Variants in PDE1A observed in about 807,000 individuals in gnomAD.
PDE1A encodes the protein dual specificity calcium/calmodulin-dependent 3',5'-cyclic nucleotide phosphodiesterase 1A.
PDE1A carries 35 observed loss-of-function variants against 61.7 expected under a neutral mutation model. That is an observed-to-expected ratio of 0.57 (90% CI 0.43 to 0.75). PDE1A has a LOEUF of 0.75. PDE1A is among the 30% of genes least tolerant of loss of function. PDE1A has a pLI of 0.00. For synonymous variants in PDE1A, 232 were observed against 213.2 expected, an observed-to-expected ratio of 1.09 and a Z score of -0.77; for missense variants, 597 against 630.6, an observed-to-expected ratio of 0.95 and a Z score of 0.57.
At chr2:182,558,536 C>A in the PDE1A span, among the ~76,000 whole-genome samples, 2 of 152,028 alleles carry the variant, frequency 1.3e-5, no homozygotes, top group African/African-American at 4.8e-5. Flanking sequence ...TATGTAAAAC[C>A]AGGACTGCTA....
the PDE1A span, among the ~76,000 whole-genome samples, chr2:182,528,318 A>C: frequency 2.0e-5 from 3 of 152,180 alleles, no homozygotes; most frequent in Non-Finnish European, 2.9e-5. Flanking sequence ...TGTTTTAGCA[A>C]AGAGACTGGT....
At chr2:182,284,266 A>G (rs552106911) in intron 1 of PDE1A, among the ~76,000 whole-genome samples, 242 of 152,154 alleles carry the variant, frequency 1.6e-3, no homozygotes, top group Non-Finnish European at 2.7e-3. Context: ...GTTTTTGGTA[A>G]ATTGACTTAG....
At chr2:182,295,175 C>T (rs1694800644) in intron 1 of PDE1A, among the ~76,000 whole-genome samples, 1 of 142,164 alleles carries the variant, frequency 7.0e-6, no homozygotes, top group Non-Finnish European at 1.5e-5. Flanking sequence ...CCCGAGTTCA[C>T]GCCATTCTCC....
At chr2:182,327,564 C>A (rs1486864086) in intron 1 of PDE1A, among the ~76,000 whole-genome samples, 2 of 152,052 alleles carry the variant, frequency 1.3e-5, no homozygotes, top group African/African-American at 4.8e-5. Context: ...AGGGTAGAAC[C>A]AAGTGAAGAA....
chr2:182,307,984 A>G (rs1476509999), intron 1 of PDE1A, among the ~76,000 whole-genome samples: 6 of 152,196 alleles, frequency 3.9e-5, no homozygotes, highest in African/African-American at 1.4e-4. Context: ...ATGGAAAACT[A>G]TATAGAGCTT....
chr2:182,676,001 G>A, the PDE1A span, among the ~76,000 whole-genome samples: 1 of 152,048 alleles, frequency 6.6e-6, no homozygotes, highest in Non-Finnish European at 1.5e-5. Flanking sequence ...AATTGCTTTT[G>A]GCATCTTTCT....
intron 2 of PDE1A, among the ~76,000 whole-genome samples, chr2:182,248,930 C>T (rs1275861663): frequency 2.0e-5 from 3 of 152,168 alleles, no homozygotes; most frequent in African/African-American, 7.2e-5. Flanking sequence ...AGGGTAGGAG[C>T]ATATTTCATC....
chr2:182,685,182 T>C, the PDE1A span, among the ~76,000 whole-genome samples: 1 of 151,806 alleles, frequency 6.6e-6, no homozygotes, highest in Non-Finnish European at 1.5e-5. Flanking sequence ...TGTAAAACCT[T>C]GACTATCAAA....
chr2:182,419,496 C>T (rs960463823), intron 1 of PDE1A, among the ~76,000 whole-genome samples: 1 of 152,066 alleles, frequency 6.6e-6, no homozygotes, highest in Non-Finnish European at 1.5e-5. Context: ...CCACCACATC[C>T]GGCTAATTTG....
chr2:182,582,672 C>T, the PDE1A span, among the ~76,000 whole-genome samples: 36 of 152,100 alleles, frequency 2.4e-4, no homozygotes, highest in Non-Finnish European at 5.9e-5. Context: ...AGAGAGTGCC[C>T]TAGTGGGGCT....
chr2:182,550,547 A>C, the PDE1A span, among the ~76,000 whole-genome samples: 5 of 152,184 alleles, frequency 3.3e-5, no homozygotes, highest in Admixed American at 1.3e-4. Context: ...ATTCCGTTCT[A>C]CTGAAGAAAA....
At chr2:182,441,076 A>G (rs1244982876) in intron 2 of PDE1A, among the ~76,000 whole-genome samples, 1 of 152,044 alleles carries the variant, frequency 6.6e-6, no homozygotes, top group Non-Finnish European at 1.5e-5. Flanking sequence ...TCAGGACAGA[A>G]GACAAAGGAA....
At chr2:182,565,714 A>G in the PDE1A span, among the ~76,000 whole-genome samples, 1 of 152,118 alleles carries the variant, frequency 6.6e-6, no homozygotes, top group African/African-American at 2.4e-5. Context: ...CTCACATGCT[A>G]TTTATTAGAG....
chr2:182,673,005 G>A, the PDE1A span, among the ~76,000 whole-genome samples: 6 of 152,120 alleles, frequency 3.9e-5, no homozygotes, highest in Admixed American at 6.5e-5. Context: ...TGCTACTCAC[G>A]TCACTCCAGG....
chr2:182,167,921 A>T (rs1261663142), exon 14 of PDE1A: 1 of 1,109,432 alleles, frequency 9.0e-7, no homozygotes, highest in East Asian at 5.2e-5. Context: ...TGTAGAAATG[A>T]CAAAATTAGC....
At chr2:182,394,873 CA>C (rs1701615839) in intron 1 of PDE1A, among the ~76,000 whole-genome samples, 1 of 152,146 alleles carries the variant, frequency 6.6e-6, no homozygotes, top group Admixed American at 6.5e-5. Flanking sequence ...AACAGTAAAT[CA>C]AAAACAATAT....
chr2:182,437,727 G>A (rs549541284), intron 2 of PDE1A, among the ~76,000 whole-genome samples: 163 of 152,012 alleles, frequency 1.1e-3, no homozygotes, highest in African/African-American at 3.9e-3. Flanking sequence ...GCCTTGTAAG[G>A]TTGGGTCCAT....
intron 1 of PDE1A, among the ~76,000 whole-genome samples, chr2:182,272,233 G>A (rs897082570): frequency 6.6e-6 from 1 of 152,128 alleles, no homozygotes; most frequent in Non-Finnish European, 1.5e-5. Context: ...CATGCTGAAA[G>A]GACCTCCCAA....
chr2:182,399,920 C>T (rs1701907456), intron 1 of PDE1A, among the ~76,000 whole-genome samples: 1 of 152,056 alleles, frequency 6.6e-6, no homozygotes. Flanking sequence ...TTTATTCCTG[C>T]ATGAAAGACT....
Sources: gnomAD v4.1 joint callset for allele counts (sites outside exome capture counted in the v4.1 genomes callset) on GRCh38, gnomAD v4.1.1 for gene constraint, MANE v1.5 for transcripts, NCBI Gene and HGNC (gene_info 2026-07-23, HGNC 2026-07-21) for gene names.